Variants in CACNA2D1 observed in about 807,000 individuals in gnomAD.
CACNA2D1 encodes calcium voltage-gated channel auxiliary subunit alpha2delta 1.
In CACNA2D1, 53 loss-of-function variants were observed where a neutral mutation model predicts 171.5. That is an observed-to-expected ratio of 0.31 (90% CI 0.25 to 0.39). The LOEUF (loss-of-function observed/expected upper bound fraction) is 0.39. CACNA2D1 is among the 10% of genes least tolerant of loss of function. The pLI, the probability that CACNA2D1 is intolerant of heterozygous loss-of-function variation, is 1.00. For synonymous variants in CACNA2D1, 442 were observed against 443.1 expected (o/e 1.00, Z 0.03); for missense variants, 903 against 1,299.8 (o/e 0.69, Z 4.69).
chr7:82,037,936 C>G, intron 11 of CACNA2D1, 141 bp downstream of exon 11: 1 of 726,468 alleles, frequency 1.4e-6, no homozygotes, highest in African/African-American at 1.8e-5. Context: ...TCAAAGGTTT[C>G]TTCTGCCTGC....
At chr7:82,384,215 C>CA (rs923523442) in intron 1 of CACNA2D1, among the ~76,000 whole-genome samples, 1 of 152,132 alleles carries the variant, frequency 6.6e-6, no homozygotes, top group Non-Finnish European at 1.5e-5. Flanking sequence ...TTGTCTCCCC[C>CA]AAAAAATGTG....
At chr7:82,177,677 C>T (rs1246285085) in intron 3 of CACNA2D1, among the ~76,000 whole-genome samples, 1 of 152,038 alleles carries the variant, frequency 6.6e-6, no homozygotes, top group Admixed American at 6.6e-5. Flanking sequence ...GGTATTATTT[C>T]TTAATACAAA....
intron 10 of CACNA2D1, among the ~76,000 whole-genome samples, chr7:82,059,585 T>G (rs1394392140): frequency 6.6e-6 from 1 of 152,100 alleles, no homozygotes; most frequent in East Asian, 1.9e-4. Flanking sequence ...TTTAAGCTCT[T>G]CTGAGTGAAG....
At position 82,007,730 on chromosome 7, in the gene CACNA2D1, A is replaced by T; in HGVS notation, c.1389T>A (p.Thr463=). 6.2e-7 allele frequency: 1 copy of T among 1,601,164 alleles called. No homozygotes were observed. The change falls in exon 16 of 39, where the codon ACT becomes ACA. Residue 463 remains threonine (T), a synonymous_variant. Coordinates refer to ENST00000356860, the MANE Select transcript of CACNA2D1 (RefSeq NM_000722.4). The part of the protein sequence containing the change: ...ALELGLVITG[T]LPVFNITGQF... Reference sequence around the variant, plus strand: ...GGCCGGTTATGTTGAAGACCGGAAGAGTTCCAGTAATGACAAGTCCCAGTT... The same window carrying T: ...GGCCGGTTATGTTGAAGACCGGAAGTGTTCCAGTAATGACAAGTCCCAGTT...
chr7:82,003,831 G>C (rs1024914728), intron 18 of CACNA2D1, among the ~76,000 whole-genome samples: 3 of 148,676 alleles, frequency 2.0e-5, no homozygotes, highest in African/African-American at 7.4e-5. Flanking sequence ...TGCAACCTCC[G>C]CCTCCCGGGT....
rs936452429 is a variant in CACNA2D1 at position 81,948,329 on chromosome 7, G to C, written c.*2063C>G. ...CCCCACATATATTTTAAATCACTTT[G>C]GTGTTTTCTAAAATGTCAATACCAG... On this transcript the variant is annotated 3_prime_UTR_variant, in exon 39 of 39. Transcript: ENST00000356860. The C allele has an allele frequency of 6.6e-6, 1 of 151,500 alleles. No individual in the cohort carries two copies. Among genetic ancestry groups the C allele is most frequent in the African/African-American group, 2.4e-5 (1 of 41,294 alleles). 9.4% of individuals were successfully genotyped at this position (151,500 alleles called of 1,614,324 possible).
chr7:82,206,790 G>C (rs1800039439), intron 3 of CACNA2D1, among the ~76,000 whole-genome samples: 1 of 152,126 alleles, frequency 6.6e-6, no homozygotes, highest in Non-Finnish European at 1.5e-5. Flanking sequence ...TATACAGTGA[G>C]AGATATAGAT....
chr7:81,974,577 T>C (rs376627608), intron 24 of CACNA2D1, 25 bp from the exon 25 acceptor site: 99 of 1,219,116 alleles, frequency 8.1e-5, no homozygotes, highest in Admixed American at 1.2e-4. Context: ...TTTTGAGATA[T>C]TAGATATTAA....
At chr7:82,292,722 A>G (rs2129417485) in intron 3 of CACNA2D1, among the ~76,000 whole-genome samples, 1 of 152,184 alleles carries the variant, frequency 6.6e-6, no homozygotes, top group African/African-American at 2.4e-5. Flanking sequence ...ACCTCTTGTC[A>G]ACGTCCTGTT....
intron 32 of CACNA2D1, among the ~76,000 whole-genome samples, 190 bp downstream of exon 32, chr7:81,965,404 T>C (rs1300461552): frequency 6.6e-6 from 1 of 151,886 alleles, no homozygotes; most frequent in East Asian, 1.9e-4. Flanking sequence ...AAATGTAAAA[T>C]CAAATAACAT....
chr7:82,044,731 T>C (rs754566515), intron 10 of CACNA2D1, among the ~76,000 whole-genome samples: 8 of 152,190 alleles, frequency 5.3e-5, no homozygotes, highest in Admixed American at 3.9e-4. Context: ...CCAGAGGCTG[T>C]GCGCTCCAAA....
intron 1 of CACNA2D1, among the ~76,000 whole-genome samples, chr7:82,355,239 TA>T (rs1281191031): frequency 6.6e-6 from 1 of 152,122 alleles, no homozygotes; most frequent in Admixed American, 6.6e-5. Flanking sequence ...CTCTTAGAAA[TA>T]AATATATACA....
intron 3 of CACNA2D1, among the ~76,000 whole-genome samples, chr7:82,316,322 A>T (rs191792719): frequency 3.3e-5 from 5 of 152,210 alleles, no homozygotes; most frequent in African/African-American, 1.2e-4. Context: ...GTCCTTGATA[A>T]CTCGATTATT....
intron 1 of CACNA2D1, among the ~76,000 whole-genome samples, chr7:82,439,280 A>G (rs1355466479): frequency 1.3e-5 from 2 of 152,074 alleles, no homozygotes; most frequent in Non-Finnish European, 2.9e-5. Flanking sequence ...ACTAAATTTT[A>G]GCACAATAAT....
intron 4 of CACNA2D1, among the ~76,000 whole-genome samples, chr7:82,163,229 A>G (rs1298648169): frequency 6.6e-6 from 1 of 152,096 alleles, no homozygotes; most frequent in East Asian, 1.9e-4. Flanking sequence ...TAGTACCTCT[A>G]TATTAAAATT....
chr7:82,099,888 T>A (rs769823807), intron 6 of CACNA2D1, among the ~76,000 whole-genome samples: 17 of 152,048 alleles, frequency 1.1e-4, no homozygotes, highest in Admixed American at 1.1e-3. Flanking sequence ...TAAAAAGTAG[T>A]TCTACATGGA....
intron 7 of CACNA2D1, among the ~76,000 whole-genome samples, chr7:82,082,360 C>A (rs1002583779): frequency 1.3e-5 from 2 of 152,048 alleles, no homozygotes; most frequent in Non-Finnish European, 2.9e-5. Context: ...GCTCTTAGAG[C>A]AGAAGGAATG....
intron 3 of CACNA2D1, among the ~76,000 whole-genome samples, chr7:82,317,448 T>C (rs1017449260): frequency 4.6e-5 from 7 of 152,338 alleles, no homozygotes; most frequent in Admixed American, 1.3e-4. Flanking sequence ...CCTTCCAGTA[T>C]TTATTCAGTA....
At chr7:82,115,513 G>C (rs1405041426) in intron 6 of CACNA2D1, among the ~76,000 whole-genome samples, 2 of 151,636 alleles carry the variant, frequency 1.3e-5, no homozygotes, top group African/African-American at 4.8e-5. Flanking sequence ...CATGTAAAAA[G>C]AAACTATATC....
Sources: gnomAD v4.1 joint callset for allele counts (sites outside exome capture counted in the v4.1 genomes callset) on GRCh38, gnomAD v4.1.1 for gene constraint, MANE v1.5 for transcripts, NCBI Gene and HGNC (gene_info 2026-07-23, HGNC 2026-07-21) for gene names.